The following ZNF385D variants were observed in gnomAD, a reference collection of about 807,000 sequenced individuals.
ZNF385D encodes the protein zinc finger protein 659.
In ZNF385D, 15 loss-of-function variants were observed where a neutral mutation model predicts 35.8. That is an observed-to-expected ratio of 0.42 (90% CI 0.28 to 0.64). The LOEUF is 0.64. ZNF385D is among the 30% of genes least tolerant of loss of function. The probability of loss-of-function intolerance (pLI) is 0.23; values close to 1 mark genes in which losing one functional copy is unlikely to be tolerated. For missense variants in ZNF385D, 474 were observed against 494.6 expected, an observed-to-expected ratio of 0.96 and a Z score of 0.39; for synonymous variants, 212 against 186.8, an observed-to-expected ratio of 1.13 and a Z score of -1.10.
At chr3:21,753,846 C>T (rs1375261233), upstream of ZNF385D, among the ~76,000 whole-genome samples, 2 of 151,910 alleles carry the variant, frequency 1.3e-5, no homozygotes, top group East Asian at 3.9e-4. Context: ...CTCCCTAATA[C>T]TCTCACCCTG....
chr3:22,291,265 T>A (rs2125397761), intron 2 of ZNF385D, among the ~76,000 whole-genome samples: 1 of 152,276 alleles, frequency 6.6e-6, no homozygotes, highest in East Asian at 1.9e-4. Flanking sequence ...ACTTTCCTTG[T>A]GATTATGTTA....
intron 7 of ZNF385D, among the ~76,000 whole-genome samples, chr3:21,422,198 GTTTA>G (rs1177033048): frequency 2.6e-5 from 4 of 152,144 alleles, no homozygotes; most frequent in Non-Finnish European, 5.9e-5. Flanking sequence ...TGACTACTCT[GTTTA>G]TTTAAGAACC....
intron 3 of ZNF385D, among the ~76,000 whole-genome samples, chr3:21,778,573 T>C (rs1028176917): frequency 6.6e-6 from 1 of 151,776 alleles, no homozygotes; most frequent in African/African-American, 2.4e-5. Context: ...AAAAACAAAA[T>C]CTACAATCAG....
At chr3:22,263,907 A>G (rs1700760398) in intron 2 of ZNF385D, among the ~76,000 whole-genome samples, 1 of 152,050 alleles carries the variant, frequency 6.6e-6, no homozygotes, top group Non-Finnish European at 1.5e-5. Flanking sequence ...AAAAGTCAAT[A>G]GTGTCAAGGA....
chr3:21,819,710 G>GTA lies in ZNF385D; in HGVS notation c.326-154684_326-154683dup, dbSNP rs1310149870. ...TGTGTACGTGTGTATATATATACAC[G>GTA]TATATATATACACATGTACGTGTGT... On this transcript the variant is annotated intron_variant, in intron 3 of 5. Coordinates refer to the ZNF385D transcript ENST00000494108. 7.1e-5 allele frequency among the ~76,000 whole-genome samples: 10 copies of GTA among 140,602 alleles called. No homozygotes were observed. The East Asian group carries it at 1.4e-3, about 20-fold the overall frequency. The allele number at this position is 140,602 out of a possible 152,430, so 92.2% of individuals were successfully genotyped here. A position where few individuals can be genotyped will look rare whatever the true frequency, so the allele number is the denominator to read the frequency against.
chr3:22,156,481 G>C (rs1320639102), intron 3 of ZNF385D, among the ~76,000 whole-genome samples: 5 of 152,076 alleles, frequency 3.3e-5, no homozygotes, highest in African/African-American at 1.2e-4. Flanking sequence ...TAGAGAGAGA[G>C]AGAACGCTAC....
intron 2 of ZNF385D, among the ~76,000 whole-genome samples, chr3:22,333,736 A>G (rs1323251098): frequency 2.0e-5 from 3 of 151,924 alleles, no homozygotes; most frequent in Non-Finnish European, 4.4e-5. Flanking sequence ...CTGAAAGGAG[A>G]CTATTTTTGC....
intron 3 of ZNF385D, among the ~76,000 whole-genome samples, chr3:21,927,051 T>C (rs1700764336): frequency 6.6e-6 from 1 of 152,120 alleles, no homozygotes; most frequent in Non-Finnish European, 1.5e-5. Flanking sequence ...GTGTCATCTT[T>C]GCAGTAATGA....
chr3:22,260,367 G>T (rs1700562556), intron 2 of ZNF385D, among the ~76,000 whole-genome samples: 1 of 151,914 alleles, frequency 6.6e-6, no homozygotes, highest in Non-Finnish European at 1.5e-5. Context: ...GGCAAGGGGA[G>T]GGAGAGCATT....
At chr3:21,556,062 GTTTTTGTTTTTTTTTTT>G (rs2062726365) in intron 3 of ZNF385D, among the ~76,000 whole-genome samples, 1 of 93,140 alleles carries the variant, frequency 1.1e-5, no homozygotes, top group South Asian at 3.3e-4. Flanking sequence ...CGTTTTTTTT[GTTTTTGTTTTTTTTTTT>G]TTTTTTTTGT....
intron 3 of ZNF385D, among the ~76,000 whole-genome samples, chr3:22,098,371 C>T (rs1328820393): frequency 6.6e-6 from 1 of 151,956 alleles, no homozygotes; most frequent in Non-Finnish European, 1.5e-5. Context: ...TTAATGAACA[C>T]AATTTTTTTC....
intron 3 of ZNF385D, among the ~76,000 whole-genome samples, chr3:21,863,050 T>C (rs775491626): frequency 2.7e-4 from 41 of 152,138 alleles, no homozygotes; most frequent in Non-Finnish European, 5.3e-4. Flanking sequence ...TAAAGAGGGA[T>C]AGATATTTGA....
intron 3 of ZNF385D, among the ~76,000 whole-genome samples, chr3:22,098,067 G>A (rs1701724405): frequency 6.6e-6 from 1 of 152,084 alleles, no homozygotes; most frequent in African/African-American, 2.4e-5. Flanking sequence ...GTTGGCAGAA[G>A]AGGTGGTGGT....
chr3:21,966,179 G>T (rs1397180335), intron 3 of ZNF385D, among the ~76,000 whole-genome samples: 1 of 152,114 alleles, frequency 6.6e-6, no homozygotes, highest in East Asian at 1.9e-4. Flanking sequence ...TGGATTTGAT[G>T]AAACCAATAA....
intron 3 of ZNF385D, among the ~76,000 whole-genome samples, chr3:21,796,108 A>AT (rs1391798186): frequency 4.6e-5 from 7 of 151,940 alleles, no homozygotes; most frequent in South Asian, 4.2e-4. Flanking sequence ...TTTCCTGTTT[A>AT]TTTTTTTTGT....
intron 2 of ZNF385D, among the ~76,000 whole-genome samples, chr3:22,231,531 G>A (rs1698889610): frequency 6.6e-6 from 1 of 152,100 alleles, no homozygotes; most frequent in Non-Finnish European, 1.5e-5. Flanking sequence ...CAGTGTCTCT[G>A]CTGCTGAGTG....
Position 21,416,092 on chromosome 3 carries a change from G to A in ZNF385D, c.*5122C>T, listed in dbSNP as rs1447362150. The A allele has an allele frequency of 3.0e-4, 2 of 6,778 alleles. 1 individual carries two copies. The highest frequency in any genetic ancestry group is 4.9e-3 in the East Asian group (2 of 406). The allele number at this position is 6,778 out of a possible 1,614,324, so 0.4% of individuals were successfully genotyped here. On this transcript the variant is annotated 3_prime_UTR_variant, in exon 8 of 8. Coordinates refer to ENST00000281523, the MANE Select transcript of ZNF385D (RefSeq NM_024697.3). ...AGGTCGGACTGCGGACTGCAGTGGC[G>A]CAATCTCGGCTCACTGCAAGCTCCG...
At chr3:21,624,669 C>A (rs918272267) in intron 2 of ZNF385D, among the ~76,000 whole-genome samples, 1 of 152,026 alleles carries the variant, frequency 6.6e-6, no homozygotes, top group Non-Finnish European at 1.5e-5. Flanking sequence ...ATTACTCCAC[C>A]CTTTTACCCA....
intron 2 of ZNF385D, among the ~76,000 whole-genome samples, chr3:22,249,188 C>A (rs1699940990): frequency 6.6e-6 from 1 of 152,108 alleles, no homozygotes; most frequent in Non-Finnish European, 1.5e-5. Context: ...TAATTCTTAG[C>A]ATCCATGAGC....
Sources: allele counts gnomAD v4.1 joint callset (sites outside exome capture counted in the v4.1 genomes callset), GRCh38; gene constraint gnomAD v4.1.1; transcripts MANE v1.5; gene names NCBI Gene and HGNC (gene_info 2026-07-23, HGNC 2026-07-21).